CNOT2: variants seen among roughly 807,000 people sequenced by gnomAD.
CNOT2 encodes CCR4-NOT transcription complex subunit 2.
Under a neutral mutation model 72.1 loss-of-function variants are expected in CNOT2, and 7 were observed. That is an observed-to-expected ratio of 0.10 (90% confidence interval 0.06 to 0.18). The LOEUF is 0.18. Among genes scored for constraint, CNOT2 ranks in the 10% least tolerant of loss-of-function variants. The probability of loss-of-function intolerance (pLI) is 1.00; values close to 1 mark genes in which losing one functional copy is unlikely to be tolerated. For missense variants in CNOT2, 345 were observed against 660.3 expected (o/e 0.52, Z 5.23); for synonymous variants, 196 against 225.6 (o/e 0.87, Z 1.17).
Position 70,342,352 on chromosome 12 carries a change from A to T in CNOT2, c.1290+45A>T, listed in dbSNP as rs377107551. On this transcript the variant is annotated intron_variant, in intron 13 of 15. Coordinates refer to ENST00000229195, the MANE Select transcript of CNOT2 (RefSeq NM_014515.7). ...CTACTCAGTCAGCATGAATTTATCT[A>T]TTTTTCACATGTTTTTCAGTTCAGG... 37 of 1,602,336 alleles carry T rather than the reference A, an allele frequency of 2.3e-5. No individual in the cohort carries two copies. The African/African-American group carries it at 4.4e-4, about 19-fold the overall frequency.
intron 2 of CNOT2, among the ~76,000 whole-genome samples, chr12:70,306,254 C>G (rs1875366362): frequency 6.6e-6 from 1 of 152,158 alleles, no homozygotes; most frequent in South Asian, 2.1e-4. Context: ...CTCCTGGGTT[C>G]AAGCAGTTCT....
intron 4 of CNOT2, among the ~76,000 whole-genome samples, chr12:70,328,398 G>A (rs1349386740): frequency 6.6e-6 from 1 of 151,804 alleles, no homozygotes. Context: ...TTAATCTCCA[G>A]TTCAGAATAA....
chr12:70,253,776 AT>A (rs1321114948), intron 1 of CNOT2, among the ~76,000 whole-genome samples: 1 of 152,204 alleles, frequency 6.6e-6, no homozygotes, highest in Non-Finnish European at 1.5e-5. Flanking sequence ...TGAAACTAGT[AT>A]AGTAGTTTCC....
intron 1 of CNOT2, among the ~76,000 whole-genome samples, chr12:70,261,533 G>A (rs908899363): frequency 2.0e-4 from 30 of 151,532 alleles, no homozygotes; most frequent in African/African-American, 6.5e-4. Flanking sequence ...AGCCAGGATG[G>A]TCTCAATCTC....
At chr12:70,297,773 T>C in intron 2 of CNOT2, 1 of 367,398 alleles carries the variant, frequency 2.7e-6, no homozygotes, top group African/African-American at 2.2e-5. Flanking sequence ...GGTCTCACTC[T>C]GTCACCCAGG....
intron 1 of CNOT2, among the ~76,000 whole-genome samples, chr12:70,245,266 TAAAGAC>T (rs1289347297): frequency 2.0e-5 from 3 of 152,200 alleles, no homozygotes; most frequent in African/African-American, 7.2e-5. Flanking sequence ...AAAATACACT[TAAAGAC>T]AAAACATGTT....
At chr12:70,283,467 T>TGATTGATA (rs1870239738) in intron 2 of CNOT2, among the ~76,000 whole-genome samples, 3 of 142,562 alleles carry the variant, frequency 2.1e-5, no homozygotes, top group South Asian at 2.3e-4. Flanking sequence ...GTCAGTCGAT[T>TGATTGATA]GATAGATAGA....
At chr12:70,290,374 T>C (rs1871677178) in intron 2 of CNOT2, among the ~76,000 whole-genome samples, 1 of 152,180 alleles carries the variant, frequency 6.6e-6, no homozygotes, top group Non-Finnish European at 1.5e-5. Context: ...CAGCCTATTC[T>C]GGCTGCCTTT....
chr12:70,311,716 A>G (rs1297172799), intron 3 of CNOT2, among the ~76,000 whole-genome samples: 1 of 152,018 alleles, frequency 6.6e-6, no homozygotes, highest in East Asian at 1.9e-4. Context: ...TGTACTCTCT[A>G]GTCACACCAG....
chr12:70,354,121 TG>T lies in CNOT2; in HGVS notation c.*207del, dbSNP rs769702630. On this transcript the variant is annotated 3_prime_UTR_variant, in exon 16 of 16. Transcript: ENST00000229195. Reference sequence around the variant, plus strand: ...CTGCCCAACAACTAAATTTGTAATTTGTTTTTCTCTAGTTTGAGCAGGGTCT... The same window carrying T: ...CTGCCCAACAACTAAATTTGTAATTTTTTTTCTCTAGTTTGAGCAGGGTCT... 23 of 991,708 alleles carry T rather than the reference TG, an allele frequency of 2.3e-5. No homozygotes were observed. Among genetic ancestry groups the T allele is most frequent in the Non-Finnish European group, 2.7e-5 (20 of 743,834 alleles). 61.4% of individuals were successfully genotyped at this position (991,708 alleles called of 1,614,324 possible).
chr12:70,328,164 T>C (rs894039646), intron 4 of CNOT2, among the ~76,000 whole-genome samples: 1 of 151,896 alleles, frequency 6.6e-6, no homozygotes, highest in Non-Finnish European at 1.5e-5. Context: ...TTGAATTAGA[T>C]TGATTGGATT....
chr12:70,276,135 A>G (rs1245674966), intron 1 of CNOT2, among the ~76,000 whole-genome samples: 1 of 151,992 alleles, frequency 6.6e-6, no homozygotes. Context: ...AAAATCCATA[A>G]TTCTTCAAAG....
intron 14 of CNOT2, chr12:70,344,448 C>G (rs1881907308): frequency 2.3e-6 from 1 of 439,632 alleles, no homozygotes; most frequent in African/African-American, 2.0e-5. Flanking sequence ...AATGCTGAAG[C>G]TGGGTGCAGT....
intron 1 of CNOT2, among the ~76,000 whole-genome samples, chr12:70,264,491 T>A (rs1434044094): frequency 6.6e-6 from 1 of 152,218 alleles, no homozygotes. Flanking sequence ...CTAGTCTTTT[T>A]GGCTTACCTA....
intron 2 of CNOT2, among the ~76,000 whole-genome samples, chr12:70,298,442 G>A (rs886199167): frequency 4.6e-5 from 7 of 152,106 alleles, no homozygotes; most frequent in African/African-American, 7.2e-5. Flanking sequence ...ACCCATCTCC[G>A]CATTTATCAG....
intron 2 of CNOT2, among the ~76,000 whole-genome samples, chr12:70,286,951 T>A (rs1017258388): frequency 2.6e-5 from 4 of 151,636 alleles, no homozygotes; most frequent in South Asian, 4.1e-4. Context: ...AAAAAAAAAT[T>A]TTTAGTTATA....
chr12:70,282,632 A>G (rs1870065785), intron 2 of CNOT2, among the ~76,000 whole-genome samples: 1 of 152,166 alleles, frequency 6.6e-6, no homozygotes, highest in South Asian at 2.1e-4. Context: ...TTTGTCTCTA[A>G]CAAATGTGTA....
intron 2 of CNOT2, among the ~76,000 whole-genome samples, chr12:70,293,701 C>T (rs987917034): frequency 2.0e-5 from 3 of 151,918 alleles, no homozygotes; most frequent in African/African-American, 7.3e-5. Context: ...TTAAGTACAT[C>T]CATATAGTAC....
intron 2 of CNOT2, among the ~76,000 whole-genome samples, chr12:70,293,491 A>G (rs1293142269): frequency 6.6e-6 from 1 of 152,060 alleles, no homozygotes; most frequent in East Asian, 1.9e-4. Flanking sequence ...TCCTATATTC[A>G]GATTGTTTTG....
Sources: allele counts gnomAD v4.1 joint callset (sites outside exome capture counted in the v4.1 genomes callset), GRCh38; gene constraint gnomAD v4.1.1; transcripts MANE v1.5; gene names NCBI Gene and HGNC (gene_info 2026-07-23, HGNC 2026-07-21).